The following NNT variants were observed in gnomAD, a reference collection of about 807,000 sequenced individuals.
The protein encoded by NNT is NAD(P) transhydrogenase, mitochondrial.
A neutral mutation model predicts 104.8 loss-of-function variants in NNT; 50 were observed. That is an observed-to-expected ratio of 0.48 (90% CI 0.38 to 0.60). The LOEUF (loss-of-function observed/expected upper bound fraction) is 0.60, where lower values mean the gene tolerates loss of function less well. NNT is among the 20% of genes least tolerant of loss of function. The pLI is 0.00. For missense variants in NNT, 1,131 were observed against 1,330.7 expected (o/e 0.85, Z 2.33); for synonymous variants, 461 against 490.4 (o/e 0.94, Z 0.79).
chr5:43,703,772 C>T (rs1286787902), intron 21 of NNT, among the ~76,000 whole-genome samples: 1 of 152,112 alleles, frequency 6.6e-6, no homozygotes, highest in Non-Finnish European at 1.5e-5. Context: ...AGCTGGATTG[C>T]TCTTTGGGCT....
intron 7 of NNT, among the ~76,000 whole-genome samples, chr5:43,637,537 C>T (rs147208989): frequency 4.3e-4 from 66 of 152,102 alleles, no homozygotes; most frequent in African/African-American, 1.3e-3. Context: ...GTTAACAGAA[C>T]GTAGTCCAGT....
intron 20 of NNT, among the ~76,000 whole-genome samples, chr5:43,700,993 G>C (rs1742820532): frequency 6.6e-6 from 1 of 152,216 alleles, no homozygotes; most frequent in Non-Finnish European, 1.5e-5. Context: ...TCCCTTTTCA[G>C]ATTCCACTGT....
At chr5:43,700,297 G>A (rs971987307) in intron 20 of NNT, 60 bp downstream of exon 20, 1 of 1,225,024 alleles carries the variant, frequency 8.2e-7, no homozygotes, top group South Asian at 1.3e-5. Flanking sequence ...AGCAGTGCAG[G>A]TGTGGGATAT....
At chr5:43,627,258 G>A (rs1750420157) in intron 6 of NNT, among the ~76,000 whole-genome samples, 1 of 152,174 alleles carries the variant, frequency 6.6e-6, no homozygotes, top group African/African-American at 2.4e-5. Context: ...CTCAACCATG[G>A]ACTGTATGTC....
chr5:43,646,539 T>C (rs1209640397), intron 10 of NNT, among the ~76,000 whole-genome samples: 3 of 151,960 alleles, frequency 2.0e-5, no homozygotes, highest in East Asian at 3.9e-4. Context: ...GCTCAAGTGA[T>C]CCTCCTGCCT....
chr5:43,655,274 T>C (rs1204299285), intron 14 of NNT, among the ~76,000 whole-genome samples: 1 of 152,160 alleles, frequency 6.6e-6, no homozygotes, highest in African/African-American at 2.4e-5. Context: ...CACGCATTGA[T>C]GCTGGGTGTT....
At chr5:43,691,345 C>T (rs1157247124) in intron 19 of NNT, among the ~76,000 whole-genome samples, 1 of 152,194 alleles carries the variant, frequency 6.6e-6, no homozygotes, top group Non-Finnish European at 1.5e-5. Context: ...CTCAGGTGAT[C>T]CGCCCATCTC....
chr5:43,666,980 T>A, intron 17 of NNT: 2 of 1,595,006 alleles, frequency 1.3e-6, no homozygotes, highest in Non-Finnish European at 8.5e-7. Context: ...CCCTTTGGGA[T>A]CTTGGGCTTA....
intron 14 of NNT, among the ~76,000 whole-genome samples, chr5:43,654,471 T>C (rs1275060399): frequency 6.6e-6 from 1 of 152,256 alleles, no homozygotes. Flanking sequence ...AAGTCATTCA[T>C]ATGGTTGATA....
intron 16 of NNT, among the ~76,000 whole-genome samples, chr5:43,658,731 C>A (rs1325840562): frequency 6.6e-6 from 1 of 152,186 alleles, no homozygotes; most frequent in Admixed American, 6.5e-5. Context: ...TTATTACTTT[C>A]CAGCTGCCTT....
intron 7 of NNT, among the ~76,000 whole-genome samples, chr5:43,630,511 C>A (rs1292258403): frequency 6.6e-6 from 1 of 152,136 alleles, no homozygotes; most frequent in African/African-American, 2.4e-5. Context: ...ATGGGAATGA[C>A]CCTTTGTCAG....
chr5:43,667,305 G>A, intron 17 of NNT: 7 of 636,866 alleles, frequency 1.1e-5, no homozygotes, highest in Non-Finnish European at 1.9e-5. Context: ...AAGTTCTAGG[G>A]TACATGTGCA....
At chr5:43,691,070 A>AGTGTGTGT (rs56075202) in intron 19 of NNT, among the ~76,000 whole-genome samples, 263 of 137,506 alleles carry the variant, frequency 1.9e-3, no homozygotes, top group African/African-American at 4.3e-3. Context: ...TTTTTGAGAG[A>AGTGTGTGT]GTGTGTGTGT....
At chr5:43,649,460 C>T in intron 11 of NNT, 152 bp downstream of exon 11, 1 of 850,494 alleles carries the variant, frequency 1.2e-6, no homozygotes, top group East Asian at 2.5e-5. Context: ...CTCCCAGACT[C>T]TGAGAGGGTA....
chr5:43,658,375 C>A (rs1433383716), intron 16 of NNT, among the ~76,000 whole-genome samples: 1 of 152,018 alleles, frequency 6.6e-6, no homozygotes, highest in Non-Finnish European at 1.5e-5. Flanking sequence ...AAAGCTTTTT[C>A]CTTTCATGTG....
chr5:43,607,010 CAG>C (rs1749259078), intron 1 of NNT, among the ~76,000 whole-genome samples: 3 of 150,812 alleles, frequency 2.0e-5, no homozygotes, highest in African/African-American at 7.3e-5. Flanking sequence ...TTTTTTGAGA[CAG>C]AGTCTTGCTC....
intron 19 of NNT, among the ~76,000 whole-genome samples, chr5:43,687,312 A>G (rs1396477144): frequency 6.6e-6 from 1 of 152,194 alleles, no homozygotes; most frequent in Non-Finnish European, 1.5e-5. Flanking sequence ...GCATATACAT[A>G]ATAAAAGATA....
At chr5:43,700,500 G>T (rs747710919) in intron 20 of NNT, among the ~76,000 whole-genome samples, 3 of 152,202 alleles carry the variant, frequency 2.0e-5, no homozygotes, top group Non-Finnish European at 2.9e-5. Flanking sequence ...GTATAGAAAT[G>T]TTGAAGACTG....
intron 3 of NNT, among the ~76,000 whole-genome samples, chr5:43,614,575 A>C (rs1218193976): frequency 6.6e-6 from 1 of 152,224 alleles, no homozygotes; most frequent in African/African-American, 2.4e-5. Flanking sequence ...ATGCATCACC[A>C]GATCAACAAC....
Sources: allele counts gnomAD v4.1 joint callset (sites outside exome capture counted in the v4.1 genomes callset), GRCh38; gene constraint gnomAD v4.1.1; transcripts MANE v1.5; gene names NCBI Gene and HGNC (gene_info 2026-07-23, HGNC 2026-07-21).